The following ST6GALNAC3 variants were observed in gnomAD, a reference collection of about 807,000 sequenced individuals.
The protein encoded by ST6GALNAC3 is alpha-N-acetylgalactosaminide alpha-2,6-sialyltransferase 3.
ST6GALNAC3 carries 25 observed loss-of-function variants against 32.7 expected under a neutral mutation model. The ratio of observed to expected loss-of-function variants is 0.76; its 90% confidence interval spans 0.56 to 1.07. ST6GALNAC3 has a LOEUF of 1.07. Among genes scored for constraint, ST6GALNAC3 ranks in the 50% least tolerant of loss-of-function variants. ST6GALNAC3 has a pLI of 0.00. For missense variants in ST6GALNAC3, 355 were observed against 382.4 expected (o/e 0.93, Z 0.60); for synonymous variants, 129 against 133.1 (o/e 0.97, Z 0.21).
intron 3 of ST6GALNAC3, among the ~76,000 whole-genome samples, chr1:76,504,381 A>G (rs1324484283): frequency 6.6e-6 from 1 of 152,048 alleles, no homozygotes; most frequent in Non-Finnish European, 1.5e-5. Context: ...CCTTACCTTA[A>G]TTACATCTGC....
chr1:76,313,994 C>G lies in ST6GALNAC3; in HGVS notation c.208C>G (p.Gln70Glu), dbSNP rs767503573. 2 of 1,611,360 alleles carry G rather than the reference C, an allele frequency of 1.2e-6. No homozygotes were observed. The change falls in exon 2 of 5, where the codon CAA becomes GAA. Residue 70 changes from glutamine to glutamate, a missense_variant. By Grantham distance (29) the Gln-to-Glu change is conservative. Transcript: ENST00000328299. ...THYGYINVKT[Q>E]EPLQLDCDLC... ...CTATGGATACATAAATGTGAAGACA[C>G]AAGAGGTAAGATCCCAGAGGGTTAC...
At chr1:76,100,111 A>G (rs1320138047) in intron 1 of ST6GALNAC3, among the ~76,000 whole-genome samples, 2 of 152,136 alleles carry the variant, frequency 1.3e-5, no homozygotes, top group Non-Finnish European at 2.9e-5. Flanking sequence ...ATATCCAGCA[A>G]TCTTGCTATA....
At chr1:76,544,749 A>G (rs1664189292) in intron 3 of ST6GALNAC3, among the ~76,000 whole-genome samples, 1 of 152,164 alleles carries the variant, frequency 6.6e-6, no homozygotes, top group Non-Finnish European at 1.5e-5. Context: ...CTGACGCTAG[A>G]TATACATTTA....
intron 1 of ST6GALNAC3, among the ~76,000 whole-genome samples, chr1:76,267,554 T>C (rs180888357): frequency 9.2e-5 from 14 of 152,352 alleles, no homozygotes; most frequent in African/African-American, 3.1e-4. Context: ...AAATATATTT[T>C]CATACTGAGG....
At chr1:76,082,697 C>A (rs1019793794) in intron 1 of ST6GALNAC3, among the ~76,000 whole-genome samples, 8 of 152,204 alleles carry the variant, frequency 5.3e-5, no homozygotes, top group East Asian at 1.9e-4. Flanking sequence ...AGGTGACATT[C>A]TTTGAGAAGC....
chr1:76,605,907 G>GAAC (rs1294193970), intron 3 of ST6GALNAC3, among the ~76,000 whole-genome samples: 1 of 121,364 alleles, frequency 8.2e-6, no homozygotes, highest in African/African-American at 3.1e-5. Context: ...CAAAGGACAT[G>GAAC]AACAGACATT....
intron 1 of ST6GALNAC3, among the ~76,000 whole-genome samples, chr1:76,075,178 G>A (rs1442267588): frequency 6.6e-6 from 1 of 152,196 alleles, no homozygotes; most frequent in Non-Finnish European, 1.5e-5. Context: ...ATGGTAGGGA[G>A]AGGAGGGGTG....
chr1:76,321,227 G>A (rs530208798), intron 2 of ST6GALNAC3, among the ~76,000 whole-genome samples: 15 of 152,186 alleles, frequency 9.9e-5, no homozygotes, highest in Admixed American at 9.8e-4. Flanking sequence ...GGCAGGAAAG[G>A]CCCCCTTTTC....
chr1:76,563,029 T>C (rs1393717541), intron 3 of ST6GALNAC3, among the ~76,000 whole-genome samples: 1 of 152,208 alleles, frequency 6.6e-6, no homozygotes, highest in Non-Finnish European at 1.5e-5. Flanking sequence ...CTATCCACAC[T>C]CCTGTCATTC....
chr1:76,376,300 C>T (rs925083109), intron 2 of ST6GALNAC3, among the ~76,000 whole-genome samples: 1 of 151,980 alleles, frequency 6.6e-6, no homozygotes, highest in Non-Finnish European at 1.5e-5. Flanking sequence ...CATATTTCAC[C>T]AATTTTACAT....
At chr1:76,229,861 C>A (rs1437872682) in intron 1 of ST6GALNAC3, among the ~76,000 whole-genome samples, 1 of 152,150 alleles carries the variant, frequency 6.6e-6, no homozygotes, top group African/African-American at 2.4e-5. Flanking sequence ...CACGGTGAAC[C>A]CCATTCACAT....
chr1:76,455,249 T>C (rs2101571062), intron 3 of ST6GALNAC3, among the ~76,000 whole-genome samples: 1 of 152,292 alleles, frequency 6.6e-6, no homozygotes, highest in Non-Finnish European at 1.5e-5. Flanking sequence ...GCATTTTTTT[T>C]CTATTTCCTT....
chr1:76,527,952 G>C (rs1209104142), intron 3 of ST6GALNAC3, among the ~76,000 whole-genome samples: 1 of 152,084 alleles, frequency 6.6e-6, no homozygotes, highest in Non-Finnish European at 1.5e-5. Flanking sequence ...ACTTTGCCCA[G>C]GGTCAACATT....
At chr1:76,130,373 G>A (rs1380575931) in intron 1 of ST6GALNAC3, among the ~76,000 whole-genome samples, 1 of 152,190 alleles carries the variant, frequency 6.6e-6, no homozygotes, top group Admixed American at 6.5e-5. Context: ...TCCAGTTTCA[G>A]GTAAGAATGG....
At chr1:76,409,826 A>G (rs1482523139) in intron 2 of ST6GALNAC3, among the ~76,000 whole-genome samples, 1 of 152,164 alleles carries the variant, frequency 6.6e-6, no homozygotes, top group Admixed American at 6.6e-5. Context: ...AATTTTTTAA[A>G]TCATTTTGTC....
intron 3 of ST6GALNAC3, among the ~76,000 whole-genome samples, chr1:76,579,278 G>A (rs1646857782): frequency 6.6e-6 from 1 of 151,806 alleles, no homozygotes; most frequent in Non-Finnish European, 1.5e-5. Flanking sequence ...CCAACTCATT[G>A]GTCTCTGCAG....
chr1:76,619,723 C>G (rs1648518489), intron 3 of ST6GALNAC3, among the ~76,000 whole-genome samples: 1 of 152,064 alleles, frequency 6.6e-6, no homozygotes, highest in African/African-American at 2.4e-5. Flanking sequence ...AACCAACAAT[C>G]TATTGCAGAA....
Position 76,160,417 on chromosome 1 carries a change from C to T in ST6GALNAC3, c.18+85533C>T, listed in dbSNP as rs61771341. Among the ~76,000 whole-genome samples the T allele has an allele frequency of 7.4e-3, 1,132 of 152,188 alleles. 10 individuals are homozygous for T. The highest frequency in any genetic ancestry group is 0.02 in the Middle Eastern group (6 of 294). Reference sequence around the variant, plus strand: ...GCCAGGAGGGCCTGCTGGAAGGCCTCGCAATAGTCTAGGTGAGATCATGCA... The same window carrying T: ...GCCAGGAGGGCCTGCTGGAAGGCCTTGCAATAGTCTAGGTGAGATCATGCA... On this transcript the variant is annotated intron_variant, in intron 1 of 4. Coordinates refer to ENST00000328299, the MANE Select transcript of ST6GALNAC3 (RefSeq NM_152996.4).
intron 3 of ST6GALNAC3, 126 bp from the exon 4 acceptor site, chr1:76,627,326 T>G (rs587021): frequency 0.42 from 264,002 of 634,532 alleles, 58,022 homozygotes; most frequent in African/African-American, 0.62. Flanking sequence ...GTTTCTCAAC[T>G]CTTTTTCCTG....
Sources: gnomAD v4.1 joint callset for allele counts (sites outside exome capture counted in the v4.1 genomes callset) on GRCh38, gnomAD v4.1.1 for gene constraint, MANE v1.5 for transcripts, NCBI Gene and HGNC (gene_info 2026-07-23, HGNC 2026-07-21) for gene names.